The following LAMA4 variants were observed in gnomAD, a reference collection of about 807,000 sequenced individuals.
LAMA4 encodes laminin subunit alpha-4.
LAMA4 carries 127 observed loss-of-function variants against 207.1 expected under a neutral mutation model. That is an observed-to-expected ratio of 0.61 (90% CI 0.53 to 0.71). LAMA4 has a LOEUF of 0.71. Among genes scored for constraint, LAMA4 ranks in the 30% least tolerant of loss-of-function variants. The pLI, the probability that LAMA4 is intolerant of heterozygous loss-of-function variation, is 0.00. For missense variants in LAMA4, 2,093 were observed against 2,246.5 expected (o/e 0.93, Z 1.38); for synonymous variants, 761 against 816.0 (o/e 0.93, Z 1.15).
At position 112,176,501 on chromosome 6, in the gene LAMA4, C is replaced by T. The variant is rs552453663; in HGVS notation, c.1190-1021G>A. 4.6e-4 allele frequency among the ~76,000 whole-genome samples: 70 copies of T among 152,182 alleles called. No individual in the cohort carries two copies. In the South Asian group the frequency reaches 5.2e-3, roughly 11 times the overall value. ...TGGATAATAGCTTGAAGGTCGCCAG[C>T]GGTTATTTTAGAGATGGTTGGGAAT... is the stretch of plus-strand genomic sequence containing the variant. On this transcript the variant is annotated intron_variant, in intron 10 of 38. Transcript: ENST00000230538.
chr6:112,193,618 C>G (rs115390174), intron 5 of LAMA4, among the ~76,000 whole-genome samples: 1 of 152,036 alleles, frequency 6.6e-6, no homozygotes, highest in Non-Finnish European at 1.5e-5. Flanking sequence ...AACTCTTTAC[C>G]TGCATCGAAC....
intron 19 of LAMA4, 27 bp downstream of exon 19, chr6:112,144,767 T>G (rs1554334086): frequency 6.2e-7 from 1 of 1,611,552 alleles, no homozygotes; most frequent in Non-Finnish European, 8.5e-7. Flanking sequence ...TACCGCTGAC[T>G]GACTGATGAG....
At chr6:112,200,828 A>T (rs1554352170) in intron 5 of LAMA4, among the ~76,000 whole-genome samples, 3 of 152,122 alleles carry the variant, frequency 2.0e-5, no homozygotes, top group Non-Finnish European at 2.9e-5. Flanking sequence ...TGGGAGTTGA[A>T]CAATGAGAAC....
At chr6:112,225,459 G>A (rs11153347) in intron 2 of LAMA4, among the ~76,000 whole-genome samples, 1 of 151,978 alleles carries the variant, frequency 6.6e-6, no homozygotes, top group South Asian at 2.1e-4. Flanking sequence ...ATTCCTCAAG[G>A]ATCAGAGGAT....
intron 3 of LAMA4, among the ~76,000 whole-genome samples, chr6:112,208,028 G>T (rs1228513223): frequency 6.6e-6 from 1 of 152,146 alleles, no homozygotes; most frequent in Non-Finnish European, 1.5e-5. Flanking sequence ...TTCTATAAGG[G>T]GCAGTGAGCT....
At chr6:112,133,582 G>C in intron 26 of LAMA4, 95 bp from the exon 27 acceptor site, 2 of 1,364,962 alleles carry the variant, frequency 1.5e-6, no homozygotes, top group Non-Finnish European at 2.1e-6. Flanking sequence ...ATAGTCATTT[G>C]TAATGGCTTT....
chr6:112,130,480 G>T (rs1778974345), intron 29 of LAMA4, among the ~76,000 whole-genome samples: 1 of 152,076 alleles, frequency 6.6e-6, no homozygotes, highest in African/African-American at 2.4e-5. Context: ...GTCCACAAAA[G>T]TGGACATAGG....
intron 2 of LAMA4, chr6:112,236,812 T>G (rs1785960067): frequency 6.6e-6 from 1 of 152,176 alleles, no homozygotes; most frequent in Non-Finnish European, 1.5e-5. Flanking sequence ...CTTTTCCCCT[T>G]TGGAGATCAC....
rs1779644173 is a variant in LAMA4, at chr6:112,140,784, A to T, written c.2952T>A (p.Val984=). ...CCTTGAAGTTGGAAGGCACTCCACC[A>T]ACATAAAACACTGTGTCCTCAGGGT... The part of the protein sequence containing the change: ...DLDPEDTVFY[V]GGVPSNFKLP... The change falls in exon 22 of 39, where the codon GTT becomes GTA. Residue 984 remains valine (V), a synonymous_variant. Coordinates refer to ENST00000230538, the MANE Select transcript of LAMA4 (RefSeq NM_001105206.3). 6.2e-7 allele frequency: 1 copy of T among 1,613,982 alleles called. No homozygotes were observed. The highest frequency in any genetic ancestry group is 1.3e-5 in the African/African-American group (1 of 74,922).
chr6:112,158,436 C>G (rs577572487), intron 14 of LAMA4: 9 of 386,578 alleles, frequency 2.3e-5, no homozygotes, highest in Middle Eastern at 7.8e-4. Flanking sequence ...CAGACACCCC[C>G]CTCTTCCCGG....
At chr6:112,220,892 T>G (rs531928131) in intron 2 of LAMA4, among the ~76,000 whole-genome samples, 1 of 152,264 alleles carries the variant, frequency 6.6e-6, no homozygotes, top group Non-Finnish European at 1.5e-5. Flanking sequence ...TAAAAAATTT[T>G]CACAAAAATC....
At chr6:112,201,789 C>G (rs1783763029) in intron 4 of LAMA4, 101 bp from the exon 5 acceptor site, 3 of 933,272 alleles carry the variant, frequency 3.2e-6, no homozygotes, top group Admixed American at 3.4e-5. Flanking sequence ...CATTAAAGTT[C>G]TAATGGGTGC....
At chr6:112,133,967 C>T (rs13191503) in intron 26 of LAMA4, among the ~76,000 whole-genome samples, 38,499 of 152,096 alleles carry the variant, frequency 0.25, 4,966 homozygotes, top group Admixed American at 0.32. Flanking sequence ...TATTAATCCA[C>T]GTCATTAATG....
At chr6:112,158,392 A>G (rs1366308330) in intron 14 of LAMA4, 6 of 329,736 alleles carry the variant, frequency 1.8e-5, no homozygotes, top group Non-Finnish European at 3.4e-5. Context: ...TGTTTTATAC[A>G]TTGTCTTTGG....
intron 28 of LAMA4, 67 bp from the exon 29 acceptor site, chr6:112,131,168 A>G (rs1025200412): frequency 1.0e-5 from 15 of 1,457,844 alleles, no homozygotes; most frequent in Non-Finnish European, 1.3e-5. Flanking sequence ...TGTTTTCAAC[A>G]TTTACTGAAT....
intron 14 of LAMA4, among the ~76,000 whole-genome samples, chr6:112,157,578 C>G (rs868910664): frequency 6.6e-6 from 1 of 152,222 alleles, no homozygotes; most frequent in East Asian, 1.9e-4. Flanking sequence ...TCATGTTTCA[C>G]GTAAAGCATG....
rs1554333244 is a variant in LAMA4, at chr6:112,141,507, A to G, written c.2668-4T>C. 6.3e-7 allele frequency: 1 copy of G among 1,580,564 alleles called. No individual in the cohort carries two copies. Among genetic ancestry groups the G allele is most frequent in the Admixed American group, 1.7e-5 (1 of 59,986 alleles). ...GACCCATATACTCTTTTTTGGCCTGAAATATCAAGAAGTAAGAAGTCATTT... is the reference window on the plus strand; with the variant it reads ...GACCCATATACTCTTTTTTGGCCTGGAATATCAAGAAGTAAGAAGTCATTT... On this transcript the variant is annotated splice_polypyrimidine_tract_variant and splice_region_variant and intron_variant, in intron 20 of 38. Coordinates refer to ENST00000230538, the MANE Select transcript of LAMA4 (RefSeq NM_001105206.3).
chr6:112,230,392 A>G (rs1785475124), intron 2 of LAMA4, among the ~76,000 whole-genome samples: 1 of 152,228 alleles, frequency 6.6e-6, no homozygotes, highest in Admixed American at 6.5e-5. Context: ...GTCTGAGATC[A>G]TCAGTATTTC....
In LAMA4 at chr6:112,155,722, C is replaced by T. The variant is rs1417950801; in HGVS notation, c.1818-16G>A. On this transcript the variant is annotated splice_polypyrimidine_tract_variant and intron_variant, in intron 14 of 38. Transcript: ENST00000230538. ...GTGCAACTTCCTGTTAATAAACAAA[C>T]ATTGTTATTTCTCCTTCTTACCTTC... 6 of 1,613,510 alleles carry T rather than the reference C, an allele frequency of 3.7e-6. No homozygotes were observed. The highest frequency in any genetic ancestry group is 1.3e-5 in the African/African-American group (1 of 74,892).
Sources: allele counts gnomAD v4.1 joint callset (sites outside exome capture counted in the v4.1 genomes callset), GRCh38; gene constraint gnomAD v4.1.1; transcripts MANE v1.5; gene names NCBI Gene and HGNC (gene_info 2026-07-23, HGNC 2026-07-21).